Variants in WBP2NL observed in about 807,000 individuals in gnomAD.
The protein encoded by WBP2NL is WBP2 N-terminal like.
WBP2NL carries 27 observed loss-of-function variants against 23.3 expected under a neutral mutation model. That is an observed-to-expected ratio of 1.16 (90% CI 0.85 to 1.60). WBP2NL has a LOEUF of 1.60. WBP2NL is among the 40% of genes most tolerant of loss of function. The probability of loss-of-function intolerance (pLI) is 0.00; values close to 1 mark genes in which losing one functional copy is unlikely to be tolerated. For synonymous variants in WBP2NL, 151 were observed against 145.9 expected (o/e 1.03, Z -0.25); for missense variants, 370 against 389.5 (o/e 0.95, Z 0.42).
chr22:42,023,420 C>G (rs548916745), intron 5 of WBP2NL, among the ~76,000 whole-genome samples: 2 of 152,088 alleles, frequency 1.3e-5, no homozygotes, highest in African/African-American at 4.8e-5. Context: ...GTTCTGAACT[C>G]CTGGCCTCCA....
At chr22:42,031,259 C>A (rs964647625), downstream of WBP2NL, 5 of 152,208 alleles carry the variant, frequency 3.3e-5, no homozygotes, top group African/African-American at 1.2e-4. Flanking sequence ...ATAAGAAGAG[C>A]TTTGTGTCCT....
intron 8 of WBP2NL, among the ~76,000 whole-genome samples, chr22:42,050,879 C>T (rs776369675): frequency 2.6e-5 from 4 of 152,252 alleles, no homozygotes; most frequent in Non-Finnish European, 5.9e-5. Flanking sequence ...GCAACAGGAA[C>T]GTTCATTGCT....
intron 1 of WBP2NL, among the ~76,000 whole-genome samples, chr22:42,011,925 A>G (rs561402677): frequency 6.6e-6 from 1 of 152,098 alleles, no homozygotes; most frequent in African/African-American, 2.4e-5. Flanking sequence ...GGTGCCCACC[A>G]CCATGCCTGG....
At chr22:42,039,536 G>C (rs1925322952) in intron 8 of WBP2NL, among the ~76,000 whole-genome samples, 1 of 152,028 alleles carries the variant, frequency 6.6e-6, no homozygotes, top group Non-Finnish European at 1.5e-5. Flanking sequence ...TTTGTTATTG[G>C]TCTGCTCAGA....
intron 8 of WBP2NL, among the ~76,000 whole-genome samples, chr22:42,039,924 T>TA (rs1569453862): frequency 0.021 from 3,121 of 150,212 alleles, 134 homozygotes; most frequent in African/African-American, 0.074. Flanking sequence ...TTTTTTTTTT[T>TA]CCTCGAGATG....
intron 5 of WBP2NL, among the ~76,000 whole-genome samples, chr22:42,023,067 C>T (rs1477721183): frequency 2.0e-5 from 3 of 152,150 alleles, no homozygotes; most frequent in East Asian, 1.9e-4. Flanking sequence ...GTGAAATTCA[C>T]ATAACATATA....
In WBP2NL at chr22:42,028,157, G is replaced by T. The variant is rs1602469149; in HGVS notation, c.*976G>T. 2.5e-6 allele frequency: 1 copy of T among 398,260 alleles called. No individual in the cohort carries two copies. The allele number at this position is 398,260 out of a possible 1,614,324, so 24.7% of individuals were successfully genotyped here. ...GAAATAACCTATATGTCCATTAATA[G>T]GAAATATATGAATAGGCTATGGTAT... On this transcript the variant is annotated 3_prime_UTR_variant, in exon 6 of 6. Transcript: ENST00000328823.
In WBP2NL at chr22:42,049,688, TCCAAAACAAAACAAAA is replaced by T. The variant is rs1428306965; in HGVS notation, c.*274-8600_*274-8585del. On this transcript the variant is annotated intron_variant and NMD_transcript_variant, in intron 8 of 8. Coordinates refer to the WBP2NL transcript ENST00000436265. ...CTGGGTGACAGAGCGAGACTCCGTC[TCCAAAACAAAACAAAA>T]CAAAAAAAAAAAAAAAAAAAAAAAA... Among the ~76,000 whole-genome samples, 655 of 71,932 alleles carry T rather than the reference TCCAAAACAAAACAAAA, an allele frequency of 9.1e-3. 20 individuals carry two copies. The highest frequency in any genetic ancestry group is 0.046 in the African/African-American group (619 of 13,416). 47.2% of individuals were successfully genotyped at this position (71,932 alleles called of 152,430 possible).
In WBP2NL at chr22:42,049,700, CAAAACAAAAAAAAA is replaced by C. The variant is rs1167210654; in HGVS notation, c.*274-8585_*274-8572del. On this transcript the variant is annotated intron_variant and NMD_transcript_variant, in intron 8 of 8. Coordinates refer to the WBP2NL transcript ENST00000436265. ...GCGAGACTCCGTCTCCAAAACAAAACAAAACAAAAAAAAAAAAAAAAAAAAAAAAAATAGAACAT... is the reference window on the plus strand; with the variant it reads ...GCGAGACTCCGTCTCCAAAACAAAACAAAAAAAAAAAAAAAAATAGAACAT... Among the ~76,000 whole-genome samples, 128 of 36,494 alleles carry C rather than the reference CAAAACAAAAAAAAA, an allele frequency of 3.5e-3. 2 individuals carry two copies. The East Asian group carries it at 0.053, about 15-fold the overall frequency. 23.9% of individuals were successfully genotyped at this position (36,494 alleles called of 152,430 possible). A position where few individuals can be genotyped will look rare whatever the true frequency, so the allele number is the denominator to read the frequency against.
chr22:42,001,637 C>T (rs796434651), intron 1 of WBP2NL: 26 of 1,039,644 alleles, frequency 2.5e-5, no homozygotes, highest in Non-Finnish European at 3.6e-5. Flanking sequence ...TGCAAAGTAG[C>T]GCCAAAACTG....
At chr22:42,032,419 G>A (rs544197703), downstream of WBP2NL, 1 of 174,066 alleles carries the variant, frequency 5.7e-6, no homozygotes, top group South Asian at 1.3e-4. Flanking sequence ...TGTGCTGTTG[G>A]TCTGCATCAC....
chr22:42,027,016 A>C lies in WBP2NL; in HGVS notation c.765A>C (p.Pro255=), dbSNP rs200522705. The C allele has an allele frequency of 6.2e-7, 1 of 1,613,368 alleles. No individual in the cohort carries two copies. The highest frequency in any genetic ancestry group is 2.2e-5 in the East Asian group (1 of 44,848). The stretch of plus-strand genomic sequence containing the variant: ...CCCCACCTCTCGGATATGGAGCCCC[A>C]CCTCTCGGATATGGAGCCCCACCTG... The part of the protein sequence containing the change: ...YGTPPLGYGA[P]PLGYGAPPAG... Residue 255 remains proline, a synonymous_variant, in exon 6 of 6, where the codon CCA becomes CCC. Coordinates refer to ENST00000328823, the MANE Select transcript of WBP2NL (RefSeq NM_152613.3).
chr22:42,018,994 G>A (rs931444620), intron 1 of WBP2NL, among the ~76,000 whole-genome samples: 4 of 151,370 alleles, frequency 2.6e-5, no homozygotes, highest in South Asian at 2.1e-4. Flanking sequence ...AGGCTGAGGC[G>A]GGCGGATCAC....
chr22:42,043,046 G>A (rs1925456448), intron 8 of WBP2NL, among the ~76,000 whole-genome samples: 1 of 147,912 alleles, frequency 6.8e-6, no homozygotes, highest in Non-Finnish European at 1.5e-5. Context: ...AAAAGGAGAA[G>A]AAGCAATCCA....
At chr22:42,010,380 T>C (rs1329666024) in intron 1 of WBP2NL, among the ~76,000 whole-genome samples, 2 of 152,210 alleles carry the variant, frequency 1.3e-5, no homozygotes, top group Non-Finnish European at 2.9e-5. Flanking sequence ...CCTTGCCTTG[T>C]TTCTAATCTT....
chr22:42,018,023 G>A (rs892268714), intron 1 of WBP2NL, among the ~76,000 whole-genome samples: 4 of 151,718 alleles, frequency 2.6e-5, no homozygotes, highest in East Asian at 1.9e-4. Context: ...GGTGGCAGGC[G>A]ACTTAATCCC....
chr22:42,003,265 C>G (rs1344285960), intron 1 of WBP2NL: 1 of 152,018 alleles, frequency 6.6e-6, no homozygotes, highest in African/African-American at 2.4e-5. Context: ...TACTGTAAAA[C>G]ATTGTGAAAT....
At chr22:42,049,023 A>C (rs143953556) in intron 8 of WBP2NL, among the ~76,000 whole-genome samples, 6 of 152,366 alleles carry the variant, frequency 3.9e-5, no homozygotes, top group Non-Finnish European at 7.3e-5. Flanking sequence ...ATATATATTC[A>C]GAATGAAGGA....
intron 1 of WBP2NL, among the ~76,000 whole-genome samples, chr22:42,004,695 G>T (rs1922042439): frequency 6.6e-6 from 1 of 151,942 alleles, no homozygotes; most frequent in Non-Finnish European, 1.5e-5. Flanking sequence ...AGGCCAAAGT[G>T]GGTGTATTGC....
Sources: allele counts gnomAD v4.1 joint callset (sites outside exome capture counted in the v4.1 genomes callset), GRCh38; gene constraint gnomAD v4.1.1; transcripts MANE v1.5; gene names NCBI Gene and HGNC (gene_info 2026-07-23, HGNC 2026-07-21).